SAMHD1: variants seen among roughly 807,000 people sequenced by gnomAD.
SAMHD1 encodes SAM and HD domain containing deoxynucleoside triphosphate triphosphohydrolase 1.
SAMHD1 carries 54 observed loss-of-function variants against 79.6 expected under a neutral mutation model. The observed-to-expected ratio is 0.68, with a 90% CI of 0.55 to 0.85. The LOEUF is 0.85. Among genes scored for constraint, SAMHD1 ranks in the 40% least tolerant of loss-of-function variants. The pLI is 0.00. For synonymous variants in SAMHD1, 260 were observed against 264.1 expected, an observed-to-expected ratio of 0.98 and a Z score of 0.15; for missense variants, 663 against 782.7, an observed-to-expected ratio of 0.85 and a Z score of 1.82.
chr20:36,913,496 G>C (rs1199800216), intron 9 of SAMHD1, among the ~76,000 whole-genome samples: 1 of 151,022 alleles, frequency 6.6e-6, no homozygotes, highest in Non-Finnish European at 1.5e-5. Flanking sequence ...CCAGCTACTA[G>C]GGAGGCTGAG....
Position 36,912,531 on chromosome 20 carries a change from T to A in SAMHD1, c.1084A>T (p.Met362Leu). The change falls in exon 10 of 16, where the codon ATG (methionine) becomes TTG (leucine). Residue 362 changes from methionine (M) to leucine (L), a missense_variant. Coordinates refer to ENST00000646673, the MANE Select transcript of SAMHD1 (RefSeq NM_015474.4). ...RDKEVGNLYDMFHTRNSLHRR... is the reference protein window; with the variant it reads ...RDKEVGNLYDLFHTRNSLHRR... Reference sequence around the variant, plus strand: ...TGTAAAGAGTTGCGAGTGTGGAACATGTCATACAGATTTCCAACTTCCTGC... The same window carrying A: ...TGTAAAGAGTTGCGAGTGTGGAACAAGTCATACAGATTTCCAACTTCCTGC... 2 of 1,612,758 alleles carry A rather than the reference T, an allele frequency of 1.2e-6. No individual in the cohort carries two copies. The highest frequency in any genetic ancestry group is 1.1e-5 in the South Asian group (1 of 91,046).
intron 11 of SAMHD1, among the ~76,000 whole-genome samples, chr20:36,910,634 G>A (rs1252158148): frequency 6.6e-6 from 1 of 151,232 alleles, no homozygotes; most frequent in Non-Finnish European, 1.5e-5. Context: ...GGAGACTGAG[G>A]CAGGAGAATT....
At position 36,894,556 on chromosome 20, in the gene SAMHD1, C is replaced by T. The variant is rs754227199; in HGVS notation, c.1747-1490G>A. Among the ~76,000 whole-genome samples, 6 of 151,290 alleles carry T rather than the reference C, an allele frequency of 4.0e-5. 1 individual carries two copies. The highest frequency in any genetic ancestry group is 7.3e-5 in the African/African-American group (3 of 40,888). On this transcript the variant is annotated intron_variant, in intron 15 of 15. Transcript: ENST00000646673. ...CCAAAGCAGGTGGATCACTTGAGGTCGGGAGTTCAAGACCAGCCTGGGCAA... is the reference window on the plus strand; with the variant it reads ...CCAAAGCAGGTGGATCACTTGAGGTTGGGAGTTCAAGACCAGCCTGGGCAA...
intron 15 of SAMHD1, among the ~76,000 whole-genome samples, chr20:36,896,929 G>C (rs1304019779): frequency 2.0e-5 from 3 of 151,734 alleles, no homozygotes; most frequent in African/African-American, 4.8e-5. Context: ...GCTCATTCCA[G>C]CTTCATGCCT....
rs1043742167 is a variant in SAMHD1 at position 36,905,377 on chromosome 20, A to G, written c.1397T>C (p.Ile466Thr). The change falls in exon 12 of 16, where the codon ATA becomes ACA. Residue 466 changes from isoleucine (I) to threonine (T), a missense_variant. Physicochemically the swap from Ile to Thr is moderately conservative, Grantham distance 89. Coordinates refer to ENST00000646673, the MANE Select transcript of SAMHD1 (RefSeq NM_015474.4). ...CTGATAACTCACCCTTTTAATCTTT[A>G]TTTGTCCTGTTGGCTGCGTCTCACC... ...YVGETQPTGQ[I>T]KIKREDYESL... The G allele has an allele frequency of 1.9e-6, 3 of 1,613,942 alleles. No homozygotes were observed. Among genetic ancestry groups the G allele is most frequent in the African/African-American group, 1.3e-5 (1 of 74,900 alleles).
At chr20:36,946,531 G>A (rs1479210173) in intron 2 of SAMHD1, 2 of 505,850 alleles carry the variant, frequency 4.0e-6, no homozygotes, top group South Asian at 2.1e-5. Context: ...AGGTTGCAGT[G>A]AGCCGAGATA....
At chr20:36,906,994 G>A (rs996101291) in intron 11 of SAMHD1, among the ~76,000 whole-genome samples, 1 of 151,448 alleles carries the variant, frequency 6.6e-6, no homozygotes, top group African/African-American at 2.4e-5. Context: ...GTTTCCCCAT[G>A]TTGGCCAGGC....
At position 36,897,872 on chromosome 20, in the gene SAMHD1, T is replaced by C; in HGVS notation, c.1696A>G (p.Arg566Gly). The C allele has an allele frequency of 6.2e-7, 1 of 1,614,242 alleles. No homozygotes were observed. Among genetic ancestry groups the C allele is most frequent in the South Asian group, 1.1e-5 (1 of 91,088 alleles). ...GCACACCACTGAACAAAATATTGTC[T>C]TGCGGCATACAAACTCTTTCTGTCC... ...KVDRKSLYAA[R>G]QYFVQWCADR... Residue 566 changes from arginine (R) to glycine (G), a missense_variant, in exon 15 of 16, where the codon AGA becomes GGA. Physicochemically the swap from Arg to Gly is moderately radical, Grantham distance 125. Coordinates refer to ENST00000646673, the MANE Select transcript of SAMHD1 (RefSeq NM_015474.4).
chr20:36,900,973 G>C (rs577565157), intron 13 of SAMHD1, among the ~76,000 whole-genome samples: 1 of 152,010 alleles, frequency 6.6e-6, no homozygotes, highest in Admixed American at 6.6e-5. Context: ...ACCCTGATCT[G>C]ACATTTATAT....
At chr20:36,909,922 A>G (rs1250293484) in intron 11 of SAMHD1, among the ~76,000 whole-genome samples, 1 of 151,434 alleles carries the variant, frequency 6.6e-6, no homozygotes, top group African/African-American at 2.4e-5. Flanking sequence ...TCTCTACAAA[A>G]ATTAAAAAAA....
chr20:36,903,392 AC>A (rs2063386793), intron 13 of SAMHD1, among the ~76,000 whole-genome samples: 2 of 150,944 alleles, frequency 1.3e-5, no homozygotes, highest in African/African-American at 4.9e-5. Flanking sequence ...GGCACACACC[AC>A]CATACCCAGC....
intron 15 of SAMHD1, chr20:36,897,547 G>A (rs1347816938): frequency 2.1e-6 from 1 of 483,458 alleles, no homozygotes; most frequent in African/African-American, 1.9e-5. Context: ...CAGGGCCACT[G>A]GTGAACAACA....
intron 6 of SAMHD1, among the ~76,000 whole-genome samples, chr20:36,926,364 T>C (rs1043513799): frequency 1.3e-5 from 2 of 152,068 alleles, no homozygotes; most frequent in African/African-American, 4.8e-5. Context: ...CTTAATCAAG[T>C]CTAAGAACAA....
At chr20:36,917,332 G>A (rs991440246) in intron 7 of SAMHD1, 18 of 367,782 alleles carry the variant, frequency 4.9e-5, no homozygotes, top group Non-Finnish European at 9.0e-5. Flanking sequence ...CAACTTTTGT[G>A]TTTTCTTGGT....
chr20:36,908,760 A>C (rs1250113852), intron 11 of SAMHD1, among the ~76,000 whole-genome samples: 2 of 152,080 alleles, frequency 1.3e-5, no homozygotes, highest in Non-Finnish European at 2.9e-5. Flanking sequence ...TTTAGGTTTC[A>C]TTCTGTCAGT....
intron 1 of SAMHD1, among the ~76,000 whole-genome samples, chr20:36,948,436 A>G (rs779168252): frequency 6.6e-6 from 1 of 151,900 alleles, no homozygotes; most frequent in Non-Finnish European, 1.5e-5. Context: ...TATTTTTAGT[A>G]GAGACGGTGT....
intron 1 of SAMHD1, among the ~76,000 whole-genome samples, chr20:36,947,686 T>A (rs1487540721): frequency 1.3e-5 from 2 of 152,018 alleles, no homozygotes; most frequent in Admixed American, 6.6e-5. Flanking sequence ...TTATTTTCTT[T>A]GAGACAGGGT....
chr20:36,933,818 G>T (rs1259084871), intron 4 of SAMHD1, among the ~76,000 whole-genome samples: 1 of 151,978 alleles, frequency 6.6e-6, no homozygotes, highest in East Asian at 2.0e-4. Context: ...AGGCCGAGGC[G>T]GGCGGATCAC....
At chr20:36,938,765 G>C (rs2063620927) in intron 3 of SAMHD1, among the ~76,000 whole-genome samples, 1 of 151,918 alleles carries the variant, frequency 6.6e-6, no homozygotes, top group Admixed American at 6.6e-5. Context: ...AGAATCACTT[G>C]AACCTGGGAT....
Sources: allele counts gnomAD v4.1 joint callset (sites outside exome capture counted in the v4.1 genomes callset), GRCh38; gene constraint gnomAD v4.1.1; transcripts MANE v1.5; gene names NCBI Gene and HGNC (gene_info 2026-07-23, HGNC 2026-07-21).